The following DHX37 variants were observed in gnomAD, a reference collection of about 807,000 sequenced individuals.
DHX37 encodes the protein DEAH-box helicase 37, also known as probable ATP-dependent RNA helicase DHX37.
A neutral mutation model predicts 134.3 loss-of-function variants in DHX37; 52 were observed. That is an observed-to-expected ratio of 0.39 (90% CI 0.31 to 0.49). The LOEUF is 0.49. DHX37 is among the 20% of genes least tolerant of loss of function. The pLI is 0.93. For missense variants in DHX37, 1,344 were observed against 1,580.8 expected (o/e 0.85, Z 2.54); for synonymous variants, 634 against 670.7 (o/e 0.95, Z 0.85).
Position 124,964,921 on chromosome 12 carries a change from C to A in DHX37, c.1812+9G>T. 6.3e-7 allele frequency: 1 copy of A among 1,584,864 alleles called. No homozygotes were observed. The highest frequency in any genetic ancestry group is 1.3e-5 in the African/African-American group (1 of 74,954). On this transcript the variant is annotated intron_variant, in intron 14 of 26. Transcript: ENST00000308736. ...CCCCAAAAGCTGGGCACCGGCCCAG[C>A]ACGGTTACCTGTGCTTGCTTCTCTG...
In DHX37 at chr12:124,972,577, A is replaced by G. The variant is rs1032455385; in HGVS notation, c.1003T>C (p.Tyr335His). 1 of 1,614,094 alleles carries G rather than the reference A, an allele frequency of 6.2e-7. No individual in the cohort carries two copies. The highest frequency in any genetic ancestry group is 1.3e-5 in the African/African-American group (1 of 75,026). Residue 335 changes from tyrosine to histidine, a missense_variant, in exon 7 of 27, where the codon TAT (tyrosine) becomes CAT (histidine). Tyr to His is a moderately conservative substitution (Grantham distance 83). Transcript: ENST00000308736. ...SQRVVSYQIR[Y>H]EGNVTEETRI... is the part of the protein sequence containing the mutation. ...GTCTCCTCTGTCACGTTTCCTTCATACCGGATCTGGTAGGAGACGACCCTG... is the reference window on the plus strand; with the variant it reads ...GTCTCCTCTGTCACGTTTCCTTCATGCCGGATCTGGTAGGAGACGACCCTG...
rs769624889 is a variant in DHX37 at position 124,957,046 on chromosome 12, C to T, written c.2247G>A (p.Pro749=). 15 of 1,512,286 alleles carry T rather than the reference C, an allele frequency of 9.9e-6. 1 individual carries two copies. The highest frequency in any genetic ancestry group is 1.8e-4 in the Middle Eastern group (1 of 5,638). The allele number at this position is 1,512,286 out of a possible 1,614,324, so 93.7% of individuals were successfully genotyped here. The stretch of plus-strand genomic sequence containing the variant: ...GGCCTTACCTTTCTGCTTTCTGGGG[C>T]GGTTGCAGGGCACCCAGTGCGATCA... The part of the protein sequence containing the change: ...ELLIALGALQ[P]PQKAERVKQL... The change falls in exon 17 of 27, where the codon CCG becomes CCA. Residue 749 remains proline, a synonymous_variant. Transcript: ENST00000308736.
intron 12 of DHX37, among the ~76,000 whole-genome samples, chr12:124,966,396 C>A (rs1230811287): frequency 1.3e-5 from 2 of 152,194 alleles, no homozygotes; most frequent in Non-Finnish European, 2.9e-5. Context: ...CAGAGTCTCA[C>A]TCTGTTGCCC....
chr12:124,980,668 G>A lies in DHX37; in HGVS notation c.560C>T (p.Pro187Leu), dbSNP rs769322775. Residue 187 changes from proline (P) to leucine (L), a missense_variant, in exon 4 of 27, where the codon CCG becomes CTG. By Grantham distance (98) the Pro-to-Leu change is moderately conservative (BLOSUM62 -3). This residue lies in a region of DHX37 where 319 missense variants were observed against 296.1 expected (regional missense o/e 1.08). Transcript: ENST00000308736. The surrounding 1 kb of genome is among the most constrained non-coding windows in gnomAD (Gnocchi z 5.3). ...SELDEDPAAE[P>L]AEAGVGTTVA... Reference sequence around the variant, plus strand: ...GGTGGTCCCCACACCAGCCTCAGCCGGCTCAGCAGCTGGGTCCTCGTCCAG... The same window carrying A: ...GGTGGTCCCCACACCAGCCTCAGCCAGCTCAGCAGCTGGGTCCTCGTCCAG... 15 of 1,599,172 alleles carry A rather than the reference G, an allele frequency of 9.4e-6. No individual in the cohort carries two copies. Among genetic ancestry groups the A allele is most frequent in the African/African-American group, 2.7e-5 (2 of 74,686 alleles).
chr12:124,985,074 G>C (rs1359350471), intron 2 of DHX37, among the ~76,000 whole-genome samples: 1 of 152,152 alleles, frequency 6.6e-6, no homozygotes, highest in Non-Finnish European at 1.5e-5. Flanking sequence ...GAAGAGGCCA[G>C]GAATGACCCT....
At chr12:124,982,871 G>T (rs757317511) in intron 2 of DHX37, among the ~76,000 whole-genome samples, 9 of 152,110 alleles carry the variant, frequency 5.9e-5, no homozygotes, top group Non-Finnish European at 8.8e-5. Context: ...CACAGTAGAA[G>T]ATTATGGCCC....
intron 20 of DHX37, 177 bp from the exon 21 acceptor site, chr12:124,952,747 CG>C (rs1382161903): frequency 2.5e-5 from 13 of 517,748 alleles, no homozygotes; most frequent in Admixed American, 4.0e-5. Flanking sequence ...GGATTGCAGC[CG>C]CCCCCCCATT....
chr12:124,953,706 G>T, intron 20 of DHX37, 174 bp downstream of exon 20: 1 of 1,163,168 alleles, frequency 8.6e-7, no homozygotes, highest in Non-Finnish European at 1.2e-6. Flanking sequence ...CTGCTCATGT[G>T]CACATTCCCT....
intron 2 of DHX37, 100 bp downstream of exon 2, chr12:124,985,996 C>A: frequency 1.4e-6 from 2 of 1,462,488 alleles, no homozygotes; most frequent in Non-Finnish European, 1.9e-6. Flanking sequence ...CCAGAAAGTT[C>A]TATTAGTTGC....
Position 124,948,007 on chromosome 12 carries a change from C to T in DHX37, c.3388+77G>A, listed in dbSNP as rs115234536. ...ATCCTTCTGCCAAGCCAGGGCTGAC[C>T]GTGCACAAAGCACAAAGCCCCTGCC... On this transcript the variant is annotated intron_variant, in intron 26 of 26. Coordinates refer to ENST00000308736, the MANE Select transcript of DHX37 (RefSeq NM_032656.4). 647 of 1,613,752 alleles carry T rather than the reference C, an allele frequency of 4.0e-4. 4 individuals carry two copies. The African/African-American group carries it at 7.1e-3, about 18-fold the overall frequency.
In DHX37 at chr12:124,965,791, C is replaced by G. The variant is rs765664763; in HGVS notation, c.1612G>C (p.Asp538His). ...RAEVLPQINLDHYSVLPAGEG... is the reference protein window; with the variant it reads ...RAEVLPQINLHHYSVLPAGEG... ...CCTGCCGGTAACACCGAGTAATGAT[C>G]CAAGTTGATCTGGGGCAGCACCTAC... Residue 538 changes from aspartate (D) to histidine (H), a missense_variant, in exon 13 of 27, where the codon GAT becomes CAT. Asp to His is a moderately conservative substitution (Grantham distance 81). Transcript: ENST00000308736. 2 of 1,613,846 alleles carry G rather than the reference C, an allele frequency of 1.2e-6. No homozygotes were observed. Among genetic ancestry groups the G allele is most frequent in the Non-Finnish European group, 1.7e-6 (2 of 1,179,854 alleles).
chr12:124,975,545 G>A (rs774421032), intron 5 of DHX37, 34 bp from the exon 6 acceptor site: 48 of 1,604,032 alleles, frequency 3.0e-5, no homozygotes, highest in South Asian at 8.8e-5. Context: ...TCAACAGTGC[G>A]CGGCCCCACC....
In DHX37 at chr12:124,980,666, C is replaced by A; in HGVS notation, c.562G>T (p.Ala188Ser). The A allele has an allele frequency of 1.3e-6, 2 of 1,599,870 alleles. No homozygotes were observed. The highest frequency in any genetic ancestry group is 1.1e-5 in the South Asian group (1 of 89,992). Reference protein sequence around the residue: ...ELDEDPAAEPAEAGVGTTVAP... With the variant: ...ELDEDPAAEPSEAGVGTTVAP... ...ACGGTGGTCCCCACACCAGCCTCAG[C>A]CGGCTCAGCAGCTGGGTCCTCGTCC... The change falls in exon 4 of 27, where the codon GCT (alanine) becomes TCT (serine). Residue 188 changes from alanine to serine, a missense_variant. Around this residue, in one of 7 missense-constraint regions of DHX37, gnomAD observed 319 missense variants for 296.1 expected, o/e 1.08. Transcript: ENST00000308736. The surrounding 1 kb of genome is among the most constrained non-coding windows in gnomAD (Gnocchi z 5.3).
chr12:124,983,551 G>A (rs1161629862), intron 2 of DHX37, among the ~76,000 whole-genome samples: 4 of 151,770 alleles, frequency 2.6e-5, no homozygotes, highest in Non-Finnish European at 4.4e-5. Flanking sequence ...TTAGGAGGCC[G>A]AGGCGGGTGG....
intron 18 of DHX37, among the ~76,000 whole-genome samples, chr12:124,955,689 TC>T (rs1954078750): frequency 6.6e-6 from 1 of 152,348 alleles, no homozygotes; most frequent in African/African-American, 2.4e-5. Context: ...AAATTAAAAC[TC>T]TGTCCGTGCA....
In DHX37 at chr12:124,948,185, T is replaced by G; in HGVS notation, c.3291-4A>C. 6.2e-7 allele frequency: 1 copy of G among 1,613,476 alleles called. No homozygotes were observed. The highest frequency in any genetic ancestry group is 1.1e-5 in the South Asian group (1 of 91,062). ...GCTCTCCGTACGGGGCTGCAGCCTG[T>G]GGGGCAGGAATGCACGTTGGTGGCA... On this transcript the variant is annotated splice_polypyrimidine_tract_variant and splice_region_variant and intron_variant, in intron 25 of 26. Transcript: ENST00000308736.
chr12:124,987,081 C>T (rs1168534327), intron 1 of DHX37, among the ~76,000 whole-genome samples: 3 of 152,260 alleles, frequency 2.0e-5, no homozygotes, highest in South Asian at 4.1e-4. Flanking sequence ...TGGGGCCGGG[C>T]GCGGTGGCGC....
Position 124,966,804 on chromosome 12 carries a change from C to A in DHX37, c.1579G>T (p.Ala527Ser). 6.2e-7 allele frequency: 1 copy of A among 1,614,262 alleles called. No homozygotes were observed. Among genetic ancestry groups the A allele is most frequent in the Non-Finnish European group, 8.5e-7 (1 of 1,180,048 alleles). Residue 527 changes from alanine (A) to serine (S), a missense_variant, in exon 12 of 27, where the codon GCG (alanine) becomes TCG (serine). Physicochemically the swap from Ala to Ser is moderately conservative, Grantham distance 99. Around this residue, in one of 7 missense-constraint regions of DHX37, gnomAD observed 289 missense variants for 323.8 expected, o/e 0.89. Transcript: ENST00000308736. Reference sequence around the variant, plus strand: ...AGCCCCCCACGTACCTCAGCCCGCGCCTTCTTGGCCCTGGCCCTTGACTTC... The same window carrying A: ...AGCCCCCCACGTACCTCAGCCCGCGACTTCTTGGCCCTGGCCCTTGACTTC... Reference protein sequence around the residue: ...FKKSRARAKKARAEVLPQINL... With the variant: ...FKKSRARAKKSRAEVLPQINL...
chr12:124,961,244 G>A (rs1463612058), intron 15 of DHX37, among the ~76,000 whole-genome samples: 59 of 125,996 alleles, frequency 4.7e-4, no homozygotes, highest in Middle Eastern at 5.2e-3. Flanking sequence ...ACACATACAC[G>A]CGTGCACGCA....
Sources: gnomAD v4.1 joint callset for allele counts (sites outside exome capture counted in the v4.1 genomes callset) on GRCh38, gnomAD v4.1.1 for gene constraint, gnomAD v4.1.1 regional missense constraint, Gnocchi (gnomAD v3.1) non-coding constraint, MANE v1.5 for transcripts, NCBI Gene and HGNC (gene_info 2026-07-23, HGNC 2026-07-21) for gene names.